ARHGAP10: variants seen among roughly 807,000 people sequenced by gnomAD.
ARHGAP10 encodes the protein rho GTPase-activating protein 10.
ARHGAP10 carries 87 observed loss-of-function variants against 108.6 expected under a neutral mutation model. The ratio of observed to expected loss-of-function variants is 0.80; its 90% CI spans 0.67 to 0.96. The LOEUF is 0.96. Among genes scored for constraint, ARHGAP10 ranks in the 40% least tolerant of loss-of-function variants. The pLI, the probability that ARHGAP10 is intolerant of heterozygous loss-of-function variation, is 0.00. For synonymous variants in ARHGAP10, 347 were observed against 341.1 expected (o/e 1.02, Z -0.19); for missense variants, 939 against 954.5 (o/e 0.98, Z 0.21).
chr4:147,953,823 C>T (rs918895284), intron 15 of ARHGAP10, among the ~76,000 whole-genome samples: 9 of 151,600 alleles, frequency 5.9e-5, no homozygotes, highest in African/African-American at 1.2e-4. Flanking sequence ...TTTTTTTCCT[C>T]ATAGCTCATT....
intron 18 of ARHGAP10, among the ~76,000 whole-genome samples, chr4:147,992,213 A>G (rs1229724559): frequency 6.6e-6 from 1 of 151,986 alleles, no homozygotes; most frequent in Non-Finnish European, 1.5e-5. Flanking sequence ...TTCCACCCCT[A>G]AGCCTGATTG....
At chr4:147,864,754 T>G (rs1315967046) in intron 5 of ARHGAP10, 92 bp from the exon 6 acceptor site, 3 of 1,048,218 alleles carry the variant, frequency 2.9e-6, no homozygotes, top group Admixed American at 4.6e-5. Flanking sequence ...CACACCGTAT[T>G]TTGGCCCATG....
chr4:147,826,187 C>T (rs560136303), intron 3 of ARHGAP10, among the ~76,000 whole-genome samples: 2 of 152,090 alleles, frequency 1.3e-5, no homozygotes, highest in South Asian at 4.1e-4. Context: ...TTGTTAGGCT[C>T]AGTATTCTGT....
At chr4:147,894,517 A>C (rs140490342) in intron 10 of ARHGAP10, among the ~76,000 whole-genome samples, 1 of 152,134 alleles carries the variant, frequency 6.6e-6, no homozygotes, top group Non-Finnish European at 1.5e-5. Flanking sequence ...CTTTTTCTTC[A>C]GTGTCTTTTG....
intron 1 of ARHGAP10, among the ~76,000 whole-genome samples, chr4:147,820,144 A>G (rs1732422727): frequency 6.6e-6 from 1 of 152,136 alleles, no homozygotes; most frequent in African/African-American, 2.4e-5. Context: ...GCTAGTAAAG[A>G]TGTAGCCTCA....
chr4:147,981,653 G>A (rs1739811289), intron 18 of ARHGAP10, among the ~76,000 whole-genome samples: 1 of 152,236 alleles, frequency 6.6e-6, no homozygotes, highest in African/African-American at 2.4e-5. Flanking sequence ...TCAGTGAAGT[G>A]TTGAAGTCTC....
At chr4:148,040,671 G>A (rs1416350825) in intron 19 of ARHGAP10, among the ~76,000 whole-genome samples, 2 of 152,112 alleles carry the variant, frequency 1.3e-5, no homozygotes, top group Non-Finnish European at 2.9e-5. Flanking sequence ...ATGTCTAGGT[G>A]GTTCTGTTGG....
At chr4:147,948,736 C>G (rs1738480724) in intron 15 of ARHGAP10, among the ~76,000 whole-genome samples, 1 of 151,660 alleles carries the variant, frequency 6.6e-6, no homozygotes, top group South Asian at 2.1e-4. Context: ...GCAGGCAGAT[C>G]ACAAGATCAG....
At chr4:147,954,147 A>G (rs180809810) in intron 15 of ARHGAP10, among the ~76,000 whole-genome samples, 3 of 152,132 alleles carry the variant, frequency 2.0e-5, no homozygotes, top group Admixed American at 6.5e-5. Context: ...AATGGCCTGT[A>G]TGCACTGGGA....
intron 3 of ARHGAP10, among the ~76,000 whole-genome samples, chr4:147,827,447 A>G (rs1340204679): frequency 1.3e-5 from 2 of 152,232 alleles, no homozygotes; most frequent in African/African-American, 2.4e-5. Flanking sequence ...TGTGGCTCAC[A>G]TGGAGTGGGC....
chr4:147,825,577 C>T (rs1180925714), intron 3 of ARHGAP10, among the ~76,000 whole-genome samples: 1 of 152,066 alleles, frequency 6.6e-6, no homozygotes, highest in Non-Finnish European at 1.5e-5. Context: ...ACAGTGTGGT[C>T]CCATGAGGTT....
chr4:147,903,412 C>T (rs541113775), intron 10 of ARHGAP10, among the ~76,000 whole-genome samples: 2 of 152,294 alleles, frequency 1.3e-5, no homozygotes, highest in East Asian at 3.9e-4. Flanking sequence ...TTATCAACAC[C>T]CCCACCAGAA....
intron 18 of ARHGAP10, among the ~76,000 whole-genome samples, chr4:147,969,356 G>C (rs1560851530): frequency 6.9e-6 from 1 of 143,886 alleles, no homozygotes; most frequent in Non-Finnish European, 1.5e-5. Context: ...GCCAGTGGTG[G>C]TGAATTTATG....
At chr4:148,055,761 A>G (rs1397269901) in intron 20 of ARHGAP10, among the ~76,000 whole-genome samples, 2 of 152,140 alleles carry the variant, frequency 1.3e-5, no homozygotes, top group Non-Finnish European at 2.9e-5. Flanking sequence ...GGCTTCATGT[A>G]TTGGCTGGCT....
At chr4:147,889,943 C>T (rs530103731) in intron 10 of ARHGAP10, among the ~76,000 whole-genome samples, 1 of 152,312 alleles carries the variant, frequency 6.6e-6, no homozygotes, top group African/African-American at 2.4e-5. Context: ...CCAGAGGTTG[C>T]CAGATCACAG....
At chr4:147,777,988 A>G (rs1056627524) in intron 1 of ARHGAP10, among the ~76,000 whole-genome samples, 2 of 152,156 alleles carry the variant, frequency 1.3e-5, no homozygotes, top group Non-Finnish European at 2.9e-5. Flanking sequence ...TAGTCTATGC[A>G]TGGCACTCAA....
At chr4:147,765,775 G>C (rs1279689716) in intron 1 of ARHGAP10, among the ~76,000 whole-genome samples, 5 of 152,198 alleles carry the variant, frequency 3.3e-5, no homozygotes, top group African/African-American at 1.2e-4. Flanking sequence ...ACTCCAGCCT[G>C]GGCGACACGA....
chr4:147,967,931 G>A (rs769043324), intron 18 of ARHGAP10, among the ~76,000 whole-genome samples: 20 of 152,184 alleles, frequency 1.3e-4, no homozygotes, highest in Non-Finnish European at 2.5e-4. Flanking sequence ...AATCTAGGGA[G>A]GAAACGTCTC....
rs537830770 is a variant in ARHGAP10 at position 147,895,054 on chromosome 4, A to G, written c.1035-11584A>G. ...GAAAACCCCCAAAACCCATAGGTCAATATTGTGAATATAGAACCTTACAGT... is the reference window on the plus strand; with the variant it reads ...GAAAACCCCCAAAACCCATAGGTCAGTATTGTGAATATAGAACCTTACAGT... On this transcript the variant is annotated intron_variant, in intron 10 of 22. Coordinates refer to ENST00000336498, the MANE Select transcript of ARHGAP10 (RefSeq NM_024605.4). Among the ~76,000 whole-genome samples, 5 of 152,300 alleles carry G rather than the reference A, an allele frequency of 3.3e-5. No individual in the cohort carries two copies. The East Asian group carries it at 9.7e-4, about 29-fold the overall frequency.
Sources: gnomAD v4.1 joint callset for allele counts (sites outside exome capture counted in the v4.1 genomes callset) on GRCh38, gnomAD v4.1.1 for gene constraint, MANE v1.5 for transcripts, NCBI Gene and HGNC (gene_info 2026-07-23, HGNC 2026-07-21) for gene names.